Variants in PALM observed in about 807,000 individuals in gnomAD.
PALM encodes paralemmin.
Under a neutral mutation model 30.7 loss-of-function variants are expected in PALM, and 18 were observed. That is an observed-to-expected ratio of 0.59 (90% CI 0.41 to 0.87). The LOEUF (loss-of-function observed/expected upper bound fraction) is 0.87. PALM is among the 40% of genes least tolerant of loss of function. PALM has a pLI of 0.00. For missense variants in PALM, 529 were observed against 555.4 expected, an observed-to-expected ratio of 0.95 and a Z score of 0.48; for synonymous variants, 286 against 242.8, an observed-to-expected ratio of 1.18 and a Z score of -1.66.
intron 1 of PALM, among the ~76,000 whole-genome samples, chr19:723,184 C>T (rs1156768830): frequency 1.3e-5 from 2 of 152,106 alleles, no homozygotes; most frequent in Non-Finnish European, 2.9e-5. Flanking sequence ...GAGCTGCAGG[C>T]ATCTGTGCCT....
chr19:727,446 G>GA, intron 3 of PALM, 118 bp from the exon 4 acceptor site: 1 of 780,350 alleles, frequency 1.3e-6, no homozygotes, highest in Non-Finnish European at 2.1e-6. Context: ...CCATAACCCT[G>GA]ACCCCAACCT....
intron 8 of PALM, among the ~76,000 whole-genome samples, chr19:743,016 A>G (rs1006717732): frequency 4.6e-5 from 7 of 152,058 alleles, no homozygotes; most frequent in Non-Finnish European, 1.0e-4. Flanking sequence ...CAGGTCGTGG[A>G]TGAGGGCCCA....
At chr19:723,538 C>T (rs560485790) in intron 1 of PALM, among the ~76,000 whole-genome samples, 49 of 152,260 alleles carry the variant, frequency 3.2e-4, no homozygotes, top group Non-Finnish European at 6.3e-4. Flanking sequence ...AAGGTCAAGG[C>T]CAAGCTCAGC....
chr19:739,047 G>A (rs773862153), intron 7 of PALM, among the ~76,000 whole-genome samples: 20 of 152,156 alleles, frequency 1.3e-4, no homozygotes, highest in Non-Finnish European at 2.1e-4. Context: ...CCCAGTGCTC[G>A]TCATCTTCAA....
intron 4 of PALM, among the ~76,000 whole-genome samples, chr19:729,982 C>T (rs1267577332): frequency 3.3e-5 from 5 of 152,208 alleles, no homozygotes; most frequent in Non-Finnish European, 7.3e-5. Flanking sequence ...TCAGGCCCCT[C>T]GATGGAGGGT....
In PALM at chr19:734,167, T is replaced by C. The variant is rs764982299; in HGVS notation, c.421-6T>C. On this transcript the variant is annotated splice_region_variant and splice_polypyrimidine_tract_variant and intron_variant, in intron 5 of 8. Transcript: ENST00000338448. ...GCCCCTGACCCTTCTCTCTTCTTTCTTGCAGACGCCGGTGGGCACGCCCAA... is the reference window on the plus strand; with the variant it reads ...GCCCCTGACCCTTCTCTCTTCTTTCCTGCAGACGCCGGTGGGCACGCCCAA... 6.8e-6 allele frequency: 11 copies of C among 1,613,948 alleles called. 1 individual carries two copies. The South Asian group carries it at 1.1e-4, about 16-fold the overall frequency.
At position 746,435 on chromosome 19, in the gene PALM, G is replaced by T; in HGVS notation, c.785G>T (p.Gly262Val). The change falls in exon 9 of 9, where the codon GGG becomes GTG. Residue 262 changes from glycine (G) to valine (V), a missense_variant. Transcript: ENST00000338448. This position sits in a 1 kb window ranked among gnomAD's most constrained non-coding sequence, Gnocchi z 7.1. ...GAAETRGAVE[G>V]AARTTPSRRE... ...GCAGAGACCCGGGGGGCTGTGGAGG[G>T]GGCAGCCCGGACCACGCCCTCCCGG... 1.1e-5 allele frequency: 18 copies of T among 1,610,142 alleles called. No individual in the cohort carries two copies. The highest frequency in any genetic ancestry group is 1.5e-5 in the Non-Finnish European group (18 of 1,178,370).
chr19:736,160 G>A (rs979403144), intron 7 of PALM, 82 bp downstream of exon 7: 105 of 918,262 alleles, frequency 1.1e-4, no homozygotes, highest in Admixed American at 5.7e-4. Flanking sequence ...GGGTGGGGCG[G>A]GGGCGACACC....
chr19:726,979 TC>T, intron 2 of PALM, 28 bp from the exon 3 acceptor site: 1 of 1,262,910 alleles, frequency 7.9e-7, no homozygotes, highest in East Asian at 2.7e-5. Flanking sequence ...CCCACGCCCA[TC>T]CCTGACCCCA....
Position 742,960 on chromosome 19 carries a change from G to A in PALM, c.634+2477G>A, listed in dbSNP as rs1394906313. The stretch of plus-strand genomic sequence containing the variant: ...TCCTGAGGCGACTGTGTGGAGCTCC[G>A]TGAGGACCTGCTGTTTTCCACGGAG... On this transcript the variant is annotated intron_variant, in intron 8 of 8. Transcript: ENST00000338448. The surrounding 1 kb of genome is among the most constrained non-coding windows in gnomAD (Gnocchi z 5.5). 1.3e-5 allele frequency among the ~76,000 whole-genome samples: 2 copies of A among 152,162 alleles called. No homozygotes were observed. The highest frequency in any genetic ancestry group is 4.8e-5 in the African/African-American group (2 of 41,436).
At chr19:718,935 G>A (rs1328588260) in intron 1 of PALM, 2 of 161,954 alleles carry the variant, frequency 1.2e-5, no homozygotes, top group African/African-American at 4.8e-5. Flanking sequence ...TCTGAGGACC[G>A]AGGATCACCG....
At chr19:735,814 G>C (rs927580533) in intron 6 of PALM, among the ~76,000 whole-genome samples, 1 of 146,670 alleles carries the variant, frequency 6.8e-6, no homozygotes, top group Non-Finnish European at 1.5e-5. Flanking sequence ...TGTCTGGGTG[G>C]GATCTGTGTG....
chr19:722,173 C>A (rs1401616258), intron 1 of PALM, among the ~76,000 whole-genome samples: 3 of 152,122 alleles, frequency 2.0e-5, no homozygotes, highest in African/African-American at 7.2e-5. Context: ...CCGCCTCGGC[C>A]TCCCAAAGTG....
rs2384777 is a variant in PALM at position 746,036 on chromosome 19, C to T, written c.635-249C>T. Among the ~76,000 whole-genome samples, 42,428 of 152,112 alleles carry T rather than the reference C, an allele frequency of 0.28. 6,121 individuals are homozygous for T. The highest frequency in any genetic ancestry group is 0.4 in the Admixed American group (6,107 of 15,286). On this transcript the variant is annotated intron_variant, in intron 8 of 8. Coordinates refer to ENST00000338448, the MANE Select transcript of PALM (RefSeq NM_002579.3). This position sits in a 1 kb window ranked among gnomAD's most constrained non-coding sequence, Gnocchi z 7.1. ...TCACGCCATTGCACTCCAGCCTGGG[C>T]GACAGAGTGAGACTCCGTCTCAAAA...
At chr19:727,721 G>C in intron 4 of PALM, 27 bp downstream of exon 4, 1 of 1,519,820 alleles carries the variant, frequency 6.6e-7, no homozygotes. Context: ...GGGTGCCACC[G>C]GGCTGGGTGG....
intron 2 of PALM, 55 bp from the exon 3 acceptor site, chr19:726,953 G>T (rs985544886): frequency 9.3e-7 from 1 of 1,072,012 alleles, no homozygotes; most frequent in Non-Finnish European, 1.4e-6. Context: ...GTGGGGGTGG[G>T]GGGGTCTCCG....
chr19:725,151 C>A (rs1352973574), intron 1 of PALM, among the ~76,000 whole-genome samples: 1 of 148,754 alleles, frequency 6.7e-6, no homozygotes, highest in South Asian at 2.3e-4. Context: ...GTCTCGAACT[C>A]CTGACCTCAA....
At chr19:718,288 C>A (rs188493140) in intron 1 of PALM, among the ~76,000 whole-genome samples, 1 of 152,348 alleles carries the variant, frequency 6.6e-6, no homozygotes, top group Non-Finnish European at 1.5e-5. Flanking sequence ...GAGGAGGTGA[C>A]GTCTGCAGAA....
intron 1 of PALM, among the ~76,000 whole-genome samples, chr19:725,822 T>A (rs551689750): frequency 6.6e-6 from 1 of 152,164 alleles, no homozygotes; most frequent in South Asian, 2.1e-4. Context: ...TACACTTCCT[T>A]CTTCCCGAAA....
Sources: allele counts gnomAD v4.1 joint callset (sites outside exome capture counted in the v4.1 genomes callset), GRCh38; gene constraint gnomAD v4.1.1; non-coding constraint Gnocchi (gnomAD v3.1); transcripts MANE v1.5; gene names NCBI Gene and HGNC (gene_info 2026-07-23, HGNC 2026-07-21).